FOXP1: variants seen among roughly 807,000 people sequenced by gnomAD.
FOXP1 encodes the protein forkhead box P1.
Under a neutral mutation model 98.2 loss-of-function variants are expected in FOXP1, and 15 were observed. The observed-to-expected ratio is 0.15, with a 90% CI of 0.10 to 0.24. The LOEUF is 0.24. Among genes scored for constraint, FOXP1 ranks in the 10% least tolerant of loss-of-function variants. The pLI, the probability that FOXP1 is intolerant of heterozygous loss-of-function variation, is 1.00. For synonymous variants in FOXP1, 371 were observed against 314.5 expected (o/e 1.18, Z -1.90); for missense variants, 633 against 848.5 (o/e 0.75, Z 3.15).
chr3:71,299,157 C>G (rs984746293), intron 5 of FOXP1, among the ~76,000 whole-genome samples: 4 of 152,070 alleles, frequency 2.6e-5, no homozygotes, highest in African/African-American at 9.7e-5. Context: ...TTTTTCACTC[C>G]CCCTCCCAAA....
chr3:71,570,134 G>C (rs1191240888), intron 2 of FOXP1: 1 of 152,116 alleles, frequency 6.6e-6, no homozygotes, highest in East Asian at 1.9e-4. Context: ...CTACCTGAGG[G>C]GTCAGGGCAC....
chr3:71,284,385 C>A (rs2071887109), intron 5 of FOXP1, among the ~76,000 whole-genome samples: 2 of 152,012 alleles, frequency 1.3e-5, no homozygotes, highest in Non-Finnish European at 2.9e-5. Context: ...GGCAACATGG[C>A]AGAAACCCGT....
chr3:71,576,955 G>C (rs2047766562), intron 2 of FOXP1, among the ~76,000 whole-genome samples: 1 of 152,130 alleles, frequency 6.6e-6, no homozygotes, highest in Admixed American at 6.5e-5. Context: ...GTACAAGGCA[G>C]GGCATGTATT....
intron 4 of FOXP1, among the ~76,000 whole-genome samples, chr3:71,339,959 C>A (rs1415244463): frequency 6.6e-6 from 1 of 152,120 alleles, no homozygotes; most frequent in Non-Finnish European, 1.5e-5. Flanking sequence ...ACAGTCGTGG[C>A]TAAACTATTT....
intron 11 of FOXP1, among the ~76,000 whole-genome samples, chr3:71,027,032 G>A (rs1168508541): frequency 1.3e-5 from 2 of 152,232 alleles, no homozygotes; most frequent in Admixed American, 1.3e-4. Flanking sequence ...ACCACTGGCA[G>A]TATTAACACT....
At chr3:70,972,963 T>G (rs2036592772) in intron 17 of FOXP1, among the ~76,000 whole-genome samples, 1 of 151,996 alleles carries the variant, frequency 6.6e-6, no homozygotes, top group East Asian at 1.9e-4. Flanking sequence ...GGTTCCAGAG[T>G]ACAAATCTGA....
At chr3:71,506,054 C>A (rs17718736) in intron 2 of FOXP1, among the ~76,000 whole-genome samples, 39,688 of 152,106 alleles carry the variant, frequency 0.26, 5,703 homozygotes, top group Non-Finnish European at 0.33. Flanking sequence ...GCCTTGTCAC[C>A]GGGAGTACAT....
intron 3 of FOXP1, among the ~76,000 whole-genome samples, chr3:71,488,727 C>A (rs1050873985): frequency 6.6e-6 from 1 of 152,186 alleles, no homozygotes; most frequent in African/African-American, 2.4e-5. Context: ...TTGACACTGT[C>A]TTCGCATGCG....
chr3:71,429,069 G>A (rs1419163627), intron 3 of FOXP1, among the ~76,000 whole-genome samples: 3 of 152,212 alleles, frequency 2.0e-5, no homozygotes, highest in South Asian at 2.1e-4. Flanking sequence ...AGCACGAGGG[G>A]AAGGCATCAG....
At position 71,524,322 on chromosome 3, in the gene FOXP1, T is replaced by C. The variant is rs908622445; in HGVS notation, c.-297-30767A>G. On this transcript the variant is annotated intron_variant, in intron 2 of 20. Coordinates refer to ENST00000649528, the MANE Select transcript of FOXP1 (RefSeq NM_001349338.3). ...AGGTTGCAGTGAGCCAAGATCAAGC[T>C]ACTGCACTCCAACGTGGGTGCCATA... is the stretch of plus-strand genomic sequence containing the variant. Among the ~76,000 whole-genome samples, 9 of 152,148 alleles carry C rather than the reference T, an allele frequency of 5.9e-5. No individual in the cohort carries two copies. The East Asian group carries it at 1.7e-3, about 29-fold the overall frequency.
chr3:71,374,859 A>T (rs1380380626), intron 3 of FOXP1, among the ~76,000 whole-genome samples: 2 of 152,204 alleles, frequency 1.3e-5, no homozygotes, highest in African/African-American at 4.8e-5. Flanking sequence ...CAATGGTGTG[A>T]AAGTTGGCTT....
In FOXP1 at chr3:71,295,705, T is replaced by C. The variant is rs141526902; in HGVS notation, c.-12+4115A>G. ...CCATTCAGAATTGAATATAAGATGATGAATTTTACAAATTGGATTTGAATT... is the reference window on the plus strand; with the variant it reads ...CCATTCAGAATTGAATATAAGATGACGAATTTTACAAATTGGATTTGAATT... On this transcript the variant is annotated intron_variant, in intron 5 of 20. Coordinates refer to ENST00000649528, the MANE Select transcript of FOXP1 (RefSeq NM_001349338.3). Among the ~76,000 whole-genome samples, 136 of 152,348 alleles carry C rather than the reference T, an allele frequency of 8.9e-4. 1 individual carries two copies. The East Asian group carries it at 0.024, about 27-fold the overall frequency.
chr3:71,424,143 A>G (rs975476934), intron 3 of FOXP1, among the ~76,000 whole-genome samples: 1 of 152,086 alleles, frequency 6.6e-6, no homozygotes, highest in Non-Finnish European at 1.5e-5. Context: ...ACCTTTTTCA[A>G]TAAGTAACAA....
chr3:71,437,610 AAAG>A (rs1347428199), intron 3 of FOXP1, among the ~76,000 whole-genome samples: 1 of 152,102 alleles, frequency 6.6e-6, no homozygotes, highest in African/African-American at 2.4e-5. Flanking sequence ...AGTGTTCCCC[AAAG>A]AAGAAGGTAT....
Position 71,426,916 on chromosome 3 carries a change from C to T in FOXP1, c.-168+66510G>A, listed in dbSNP as rs191837430. On this transcript the variant is annotated intron_variant, in intron 3 of 20. Coordinates refer to ENST00000649528, the MANE Select transcript of FOXP1 (RefSeq NM_001349338.3). ...TCTCTACTAAAAATACAAAAATTAG[C>T]CGGGCATGGTGGTACATGCCTGTAA... Among the ~76,000 whole-genome samples, 13 of 152,086 alleles carry T rather than the reference C, an allele frequency of 8.5e-5. No homozygotes were observed. In the East Asian group the frequency reaches 2.5e-3, roughly 30 times the overall value.
At position 71,502,150 on chromosome 3, in the gene FOXP1, T is replaced by C. The variant is rs537882691; in HGVS notation, c.-297-8595A>G. On this transcript the variant is annotated intron_variant, in intron 2 of 20. Coordinates refer to ENST00000649528, the MANE Select transcript of FOXP1 (RefSeq NM_001349338.3). ...CATTTTCACAAATACCTTCCACTCA[T>C]GATTCAATTAAATGGCAGAAAACAC... 7.2e-5 allele frequency among the ~76,000 whole-genome samples: 11 copies of C among 152,304 alleles called. No homozygotes were observed. The South Asian group carries it at 2.1e-3, about 29-fold the overall frequency.
chr3:71,467,839 G>A (rs965613564), intron 3 of FOXP1, among the ~76,000 whole-genome samples: 1 of 152,166 alleles, frequency 6.6e-6, no homozygotes, highest in African/African-American at 2.4e-5. Context: ...ACCCATGAAC[G>A]CACTTCTACC....
At chr3:71,370,430 A>G (rs2079213035) in intron 3 of FOXP1, among the ~76,000 whole-genome samples, 1 of 152,228 alleles carries the variant, frequency 6.6e-6, no homozygotes, top group Admixed American at 6.5e-5. Flanking sequence ...CACACACCAT[A>G]GCACTTGTCC....
At chr3:71,432,564 A>G (rs1222146527) in intron 3 of FOXP1, among the ~76,000 whole-genome samples, 1 of 152,096 alleles carries the variant, frequency 6.6e-6, no homozygotes, top group East Asian at 1.9e-4. Context: ...GCCCCACCTA[A>G]CATAGGGCAG....
Sources: allele counts gnomAD v4.1 joint callset (sites outside exome capture counted in the v4.1 genomes callset), GRCh38; gene constraint gnomAD v4.1.1; transcripts MANE v1.5; gene names NCBI Gene and HGNC (gene_info 2026-07-23, HGNC 2026-07-21).